Variants in ABCA13 observed in about 807,000 individuals in gnomAD.
The protein encoded by ABCA13 is ATP binding cassette subfamily A member 13, also known as ATP-binding cassette sub-family A member 13.
Under a neutral mutation model 478.7 loss-of-function variants are expected in ABCA13, and 476 were observed. The observed-to-expected ratio is 0.99, with a 90% CI of 0.92 to 1.07. The LOEUF is 1.07. Ranked by LOEUF, ABCA13 falls within the 50% of genes least tolerant of loss-of-function variation. The pLI is 0.00. For missense variants in ABCA13, 6,060 were observed against 5,910.6 expected (o/e 1.03, Z -0.83); for synonymous variants, 2,252 against 2,158.9 (o/e 1.04, Z -1.20).
chr7:48,243,140 T>C (rs998286138), intron 10 of ABCA13: 3 of 152,278 alleles, frequency 2.0e-5, no homozygotes, highest in Non-Finnish European at 4.4e-5. Context: ...CCCTTCAATG[T>C]CGCACGTTGT....
intron 57 of ABCA13, among the ~76,000 whole-genome samples, chr7:48,593,242 TTGTGTGTGTG>T (rs35781047): frequency 2.7e-5 from 4 of 147,900 alleles, no homozygotes; most frequent in African/African-American, 1.0e-4. Flanking sequence ...TTTTTTTCTT[TTGTGTGTGTG>T]TGTGTGTGTA....
chr7:48,264,250 G>A lies in ABCA13; in HGVS notation c.2006-4730G>A, dbSNP rs1794580776. On this transcript the variant is annotated intron_variant, in intron 15 of 61. Coordinates refer to ENST00000435803, the MANE Select transcript of ABCA13 (RefSeq NM_152701.5). ...TTCTGGCTTTACAAGTAAAGCTGCT[G>A]TGAACATTCACGGACAAGTCTTGTT... 2.0e-5 allele frequency among the ~76,000 whole-genome samples: 3 copies of A among 151,858 alleles called. No homozygotes were observed. The South Asian group carries it at 6.2e-4, about 31-fold the overall frequency.
intron 59 of ABCA13, among the ~76,000 whole-genome samples, chr7:48,638,093 G>T (rs961397407): frequency 2.0e-5 from 3 of 152,200 alleles, no homozygotes; most frequent in Non-Finnish European, 2.9e-5. Flanking sequence ...AAGGAGATCT[G>T]GTTGTGGGTA....
At chr7:48,486,585 T>C (rs1248764990) in intron 47 of ABCA13, among the ~76,000 whole-genome samples, 1 of 152,156 alleles carries the variant, frequency 6.6e-6, no homozygotes, top group African/African-American at 2.4e-5. Flanking sequence ...CTATTTTCGG[T>C]TTTTGGTACA....
chr7:48,292,550 C>T (rs564584911), intron 20 of ABCA13, among the ~76,000 whole-genome samples: 12 of 152,298 alleles, frequency 7.9e-5, no homozygotes, highest in African/African-American at 2.9e-4. Context: ...CTAAGGGAGG[C>T]CACTGCTAGG....
At chr7:48,420,600 T>C (rs915276775) in intron 41 of ABCA13, among the ~76,000 whole-genome samples, 1 of 152,190 alleles carries the variant, frequency 6.6e-6, no homozygotes, top group African/African-American at 2.4e-5. Flanking sequence ...TGCTAAATAC[T>C]GATTAGTGGG....
chr7:48,373,573 TA>T (rs942696893), intron 33 of ABCA13, among the ~76,000 whole-genome samples: 51 of 152,338 alleles, frequency 3.3e-4, no homozygotes, highest in African/African-American at 1.2e-3. Context: ...GTTACATTTG[TA>T]AAAACCCATA....
intron 58 of ABCA13, among the ~76,000 whole-genome samples, chr7:48,597,280 C>A (rs1405364336): frequency 6.6e-6 from 1 of 152,154 alleles, no homozygotes; most frequent in Non-Finnish European, 1.5e-5. Context: ...CTATCCATTG[C>A]GTTTTATGTC....
At chr7:48,431,013 C>A (rs998232882) in intron 42 of ABCA13, among the ~76,000 whole-genome samples, 37 of 151,992 alleles carry the variant, frequency 2.4e-4, no homozygotes, top group African/African-American at 8.5e-4. Context: ...TTCAGCTGTA[C>A]CCTGTAAATT....
chr7:48,491,987 C>T (rs1400178662), intron 48 of ABCA13, among the ~76,000 whole-genome samples: 1 of 152,196 alleles, frequency 6.6e-6, no homozygotes, highest in African/African-American at 2.4e-5. Flanking sequence ...GATCATTATA[C>T]TACACGGACA....
intron 35 of ABCA13, among the ~76,000 whole-genome samples, chr7:48,379,342 A>C (rs1813986149): frequency 6.6e-6 from 1 of 152,192 alleles, no homozygotes; most frequent in Non-Finnish European, 1.5e-5. Flanking sequence ...TATAATTTCT[A>C]GGAGGTCTCA....
At chr7:48,383,399 G>T (rs899829114) in intron 35 of ABCA13, among the ~76,000 whole-genome samples, 1 of 152,166 alleles carries the variant, frequency 6.6e-6, no homozygotes, top group African/African-American at 2.4e-5. Context: ...ACACACACAC[G>T]TATGGTGATC....
intron 41 of ABCA13, among the ~76,000 whole-genome samples, chr7:48,415,271 G>A (rs1342193281): frequency 1.3e-5 from 2 of 149,694 alleles, no homozygotes; most frequent in Non-Finnish European, 3.0e-5. Context: ...TGCTTCCAGG[G>A]GTAGTTTTGC....
chr7:48,389,147 C>T lies in ABCA13; in HGVS notation c.11581C>T (p.Leu3861Phe). ...GGGCCACAAGGCTGTGGTCCAAGAC[C>T]TCAGCCTGACCTTCTACAGAGACCA... Reference protein sequence around the residue: ...YEGHKAVVQDLSLTFYRDQIT... With the variant: ...YEGHKAVVQDFSLTFYRDQIT... The change falls in exon 37 of 62, where the codon CTC becomes TTC. Residue 3861 changes from leucine to phenylalanine, a missense_variant. Physicochemically the swap from Leu to Phe is conservative, Grantham distance 22 (BLOSUM62 0). Transcript: ENST00000435803. The T allele has an allele frequency of 1.2e-6, 2 of 1,613,978 alleles. No individual in the cohort carries two copies. Among genetic ancestry groups the T allele is most frequent in the South Asian group, 1.1e-5 (1 of 91,074 alleles).
At chr7:48,385,335 G>T (rs568790426) in intron 35 of ABCA13, among the ~76,000 whole-genome samples, 2 of 151,914 alleles carry the variant, frequency 1.3e-5, no homozygotes, top group Non-Finnish European at 2.9e-5. Context: ...GTTGTTCCCC[G>T]CAGTGCATGT....
intron 27 of ABCA13, 110 bp downstream of exon 27, chr7:48,317,406 T>C (rs1259319071): frequency 3.7e-5 from 45 of 1,217,412 alleles, no homozygotes; most frequent in Non-Finnish European, 5.0e-5. Flanking sequence ...TGTAGAAGGC[T>C]CTTGTTTTGA....
At chr7:48,414,164 C>G (rs1251938018) in intron 41 of ABCA13, among the ~76,000 whole-genome samples, 1 of 152,224 alleles carries the variant, frequency 6.6e-6, no homozygotes, top group African/African-American at 2.4e-5. Context: ...TACATCTTTT[C>G]TTGTCTGGCT....
Position 48,421,822 on chromosome 7 carries a change from A to G in ABCA13, c.12460-5944A>G, listed in dbSNP as rs534114483. On this transcript the variant is annotated intron_variant, in intron 41 of 61. Transcript: ENST00000435803. ...ATCTCTAATTCCAATCCAATTACAC[A>G]GCATTCATTTAGTGTTTCCTCTTGC... Among the ~76,000 whole-genome samples the G allele has an allele frequency of 1.8e-4, 27 of 152,310 alleles. 1 individual carries two copies. In the South Asian group the frequency reaches 5.4e-3, roughly 30 times the overall value.
intron 29 of ABCA13, 94 bp downstream of exon 29, chr7:48,338,549 G>A: frequency 1.2e-6 from 1 of 855,550 alleles, no homozygotes; most frequent in South Asian, 2.4e-5. Flanking sequence ...ATTGCTAGGT[G>A]ACTTCCAGCA....
Sources: allele counts gnomAD v4.1 joint callset (sites outside exome capture counted in the v4.1 genomes callset), GRCh38; gene constraint gnomAD v4.1.1; transcripts MANE v1.5; gene names NCBI Gene and HGNC (gene_info 2026-07-23, HGNC 2026-07-21).